SH3RF1: variants seen among roughly 807,000 people sequenced by gnomAD.
The protein encoded by SH3RF1 is E3 ubiquitin-protein ligase SH3RF1.
Under a neutral mutation model 74.0 loss-of-function variants are expected in SH3RF1, and 32 were observed. That is an observed-to-expected ratio of 0.43 (90% CI 0.33 to 0.58). The LOEUF (loss-of-function observed/expected upper bound fraction) is 0.58, where lower values mean the gene tolerates loss of function less well. Ranked by LOEUF, SH3RF1 falls within the 20% of genes least tolerant of loss-of-function variation. SH3RF1 has a pLI of 0.05. For synonymous variants in SH3RF1, 396 were observed against 439.6 expected (o/e 0.90, Z 1.24); for missense variants, 954 against 1,130.9 (o/e 0.84, Z 2.24).
chr4:169,267,758 T>C (rs1202002979), intron 2 of SH3RF1, among the ~76,000 whole-genome samples: 2 of 152,190 alleles, frequency 1.3e-5, no homozygotes, highest in Non-Finnish European at 2.9e-5. Flanking sequence ...CTGCGAATTA[T>C]GGGAACTAAT....
chr4:169,172,859 T>C (rs1234296550), intron 2 of SH3RF1, among the ~76,000 whole-genome samples: 4 of 152,076 alleles, frequency 2.6e-5, no homozygotes, highest in African/African-American at 7.2e-5. Flanking sequence ...AAAACAGTAA[T>C]AGCACTTACC....
chr4:169,225,580 G>C (rs954781914), intron 2 of SH3RF1, among the ~76,000 whole-genome samples: 2 of 152,230 alleles, frequency 1.3e-5, no homozygotes, highest in Admixed American at 6.5e-5. Flanking sequence ...GTGACTAAGA[G>C]AGTCTGGAGA....
intron 2 of SH3RF1, among the ~76,000 whole-genome samples, chr4:169,205,958 G>A (rs775243727): frequency 2.0e-5 from 3 of 152,056 alleles, no homozygotes; most frequent in Non-Finnish European, 4.4e-5. Context: ...TTTTACAACT[G>A]GTTCTCTCCT....
At chr4:169,257,453 A>T (rs1197747049) in intron 2 of SH3RF1, among the ~76,000 whole-genome samples, 2 of 152,076 alleles carry the variant, frequency 1.3e-5, no homozygotes, top group Non-Finnish European at 2.9e-5. Context: ...TCACTCTCAA[A>T]AATGTCCCAG....
intron 2 of SH3RF1, among the ~76,000 whole-genome samples, chr4:169,157,024 C>A (rs527671700): frequency 6.6e-6 from 1 of 152,284 alleles, no homozygotes; most frequent in African/African-American, 2.4e-5. Context: ...AAAAAACAAG[C>A]TTAACTTCCT....
At chr4:169,240,741 T>G (rs1043858848) in intron 2 of SH3RF1, among the ~76,000 whole-genome samples, 15 of 152,182 alleles carry the variant, frequency 9.9e-5, no homozygotes, top group Non-Finnish European at 1.0e-4. Context: ...CTAGCAGTTT[T>G]CAAGTCCATA....
At chr4:169,117,073 T>C (rs181174341) in intron 9 of SH3RF1, among the ~76,000 whole-genome samples, 18 of 152,338 alleles carry the variant, frequency 1.2e-4, no homozygotes, top group Non-Finnish European at 1.9e-4. Context: ...ATCCCATTAG[T>C]TACCCAAGAC....
At chr4:169,143,108 T>A (rs1326939404) in intron 4 of SH3RF1, among the ~76,000 whole-genome samples, 2 of 152,220 alleles carry the variant, frequency 1.3e-5, no homozygotes, top group African/African-American at 4.8e-5. Flanking sequence ...TAAAAATGTT[T>A]GTCTCTTAGA....
At chr4:169,207,370 T>A (rs1730278912) in intron 2 of SH3RF1, among the ~76,000 whole-genome samples, 1 of 152,170 alleles carries the variant, frequency 6.6e-6, no homozygotes, top group Non-Finnish European at 1.5e-5. Context: ...AAGGTTACAG[T>A]GAGCCATGAT....
At chr4:169,260,533 G>A (rs1294562900) in intron 2 of SH3RF1, among the ~76,000 whole-genome samples, 2 of 152,156 alleles carry the variant, frequency 1.3e-5, no homozygotes, top group Non-Finnish European at 2.9e-5. Context: ...AGAGAGCCAG[G>A]GCAGAGGTGG....
chr4:169,258,714 G>C (rs891310537), intron 2 of SH3RF1, among the ~76,000 whole-genome samples: 1 of 152,124 alleles, frequency 6.6e-6, no homozygotes, highest in African/African-American at 2.4e-5. Context: ...TCTGGATAAG[G>C]TGGGCAAATG....
rs541122301 is a variant in SH3RF1, at chr4:169,095,642, G to A, written c.*877C>T. 1.3e-5 allele frequency: 2 copies of A among 152,778 alleles called. No homozygotes were observed. The highest frequency in any genetic ancestry group is 3.9e-4 in the East Asian group (2 of 5,186). 9.5% of individuals were successfully genotyped at this position (152,778 alleles called of 1,614,324 possible). On this transcript the variant is annotated 3_prime_UTR_variant, in exon 12 of 12. Transcript: ENST00000284637. Reference sequence around the variant, plus strand: ...GTAAAATGTGAAATGACGCTTCATAGCCATTCTCAGACAGTGACTACAACT... The same window carrying A: ...GTAAAATGTGAAATGACGCTTCATAACCATTCTCAGACAGTGACTACAACT...
At chr4:169,204,755 T>C (rs1016844652) in intron 2 of SH3RF1, among the ~76,000 whole-genome samples, 4 of 152,132 alleles carry the variant, frequency 2.6e-5, no homozygotes, top group African/African-American at 9.7e-5. Context: ...TTCACCACTT[T>C]GGCCAAGATG....
chr4:169,181,257 C>CTTTTTTTTTTTTTT, intron 2 of SH3RF1, among the ~76,000 whole-genome samples: 1 of 103,390 alleles, frequency 9.7e-6, no homozygotes, highest in Non-Finnish European at 1.8e-5. Flanking sequence ...TTGGGAAAGC[C>CTTTTTTTTTTTTTT]TTTTTTTTTT....
chr4:169,108,843 C>T (rs998528667), intron 10 of SH3RF1, among the ~76,000 whole-genome samples: 20 of 152,282 alleles, frequency 1.3e-4, no homozygotes, highest in African/African-American at 4.8e-4. Context: ...CAGGGCCCTA[C>T]ACCTACTAAA....
At chr4:169,246,678 T>C (rs1730998987) in intron 2 of SH3RF1, among the ~76,000 whole-genome samples, 1 of 152,272 alleles carries the variant, frequency 6.6e-6, no homozygotes, top group African/African-American at 2.4e-5. Flanking sequence ...GAATCCTTTG[T>C]TCCCCACTTC....
chr4:169,208,289 T>C (rs537038969), intron 2 of SH3RF1, among the ~76,000 whole-genome samples: 121 of 152,180 alleles, frequency 8.0e-4, no homozygotes, highest in African/African-American at 2.7e-3. Context: ...CTTTATCTTC[T>C]ATAGGAATTT....
chr4:169,196,741 T>G (rs1471748374), intron 2 of SH3RF1, among the ~76,000 whole-genome samples: 1 of 152,192 alleles, frequency 6.6e-6, no homozygotes, highest in Non-Finnish European at 1.5e-5. Flanking sequence ...TCATCAGGAA[T>G]GTTAATCCAA....
Position 169,169,802 on chromosome 4 carries a change from A to G in SH3RF1, c.394-13123T>C, listed in dbSNP as rs1561043249. 2.0e-5 allele frequency among the ~76,000 whole-genome samples: 3 copies of G among 152,244 alleles called. No individual in the cohort carries two copies. In the South Asian group the frequency reaches 6.2e-4, roughly 32 times the overall value. On this transcript the variant is annotated intron_variant, in intron 2 of 11. Coordinates refer to ENST00000284637, the MANE Select transcript of SH3RF1 (RefSeq NM_020870.4). Reference sequence around the variant, plus strand: ...GAATGCAGTGGTGTGATCAGGGCTCACTGAAGCCTCGACCTCCTGGGCTCA... The same window carrying G: ...GAATGCAGTGGTGTGATCAGGGCTCGCTGAAGCCTCGACCTCCTGGGCTCA...
Sources: allele counts gnomAD v4.1 joint callset (sites outside exome capture counted in the v4.1 genomes callset), GRCh38; gene constraint gnomAD v4.1.1; transcripts MANE v1.5; gene names NCBI Gene and HGNC (gene_info 2026-07-23, HGNC 2026-07-21).